Variants in BICC1 observed in about 807,000 individuals in gnomAD.
BICC1 encodes the protein protein bicaudal C homolog 1.
Under a neutral mutation model 111.0 loss-of-function variants are expected in BICC1, and 43 were observed. The observed-to-expected ratio is 0.39, with a 90% CI of 0.30 to 0.50. The LOEUF (loss-of-function observed/expected upper bound fraction) is 0.50. BICC1 is among the 20% of genes least tolerant of loss of function. BICC1 has a pLI of 0.88. For synonymous variants in BICC1, 467 were observed against 434.4 expected, an observed-to-expected ratio of 1.07 and a Z score of -0.93; for missense variants, 1,091 against 1,203.2, an observed-to-expected ratio of 0.91 and a Z score of 1.38.
intron 3 of BICC1, among the ~76,000 whole-genome samples, chr10:58,734,344 T>G (rs1841405574): frequency 6.6e-6 from 1 of 152,250 alleles, no homozygotes; most frequent in Non-Finnish European, 1.5e-5. Context: ...ATGAGATTTT[T>G]GGCATGTTTT....
intron 3 of BICC1, among the ~76,000 whole-genome samples, chr10:58,712,952 T>TA (rs1397258935): frequency 3.9e-5 from 6 of 152,052 alleles, no homozygotes; most frequent in African/African-American, 1.2e-4. Flanking sequence ...AGTCTATATT[T>TA]AAAAGAATAG....
At chr10:58,693,966 G>T (rs531670427) in intron 2 of BICC1, among the ~76,000 whole-genome samples, 1 of 152,134 alleles carries the variant, frequency 6.6e-6, no homozygotes, top group Non-Finnish European at 1.5e-5. Flanking sequence ...TACTGGCTAG[G>T]TTTTCTTCTA....
chr10:58,585,727 C>G (rs1297098212), intron 1 of BICC1, among the ~76,000 whole-genome samples: 1 of 152,076 alleles, frequency 6.6e-6, no homozygotes, highest in Non-Finnish European at 1.5e-5. Flanking sequence ...AATGGATTAT[C>G]TCAGATATGG....
chr10:58,696,287 T>G (rs971972984), intron 2 of BICC1, among the ~76,000 whole-genome samples: 5 of 152,132 alleles, frequency 3.3e-5, no homozygotes, highest in Non-Finnish European at 5.9e-5. Context: ...TATAGCATGC[T>G]ATCTTCATCA....
At chr10:58,660,677 AT>A (rs1275086583) in intron 2 of BICC1, among the ~76,000 whole-genome samples, 1 of 151,980 alleles carries the variant, frequency 6.6e-6, no homozygotes, top group Non-Finnish European at 1.5e-5. Context: ...TCCTTCTGAC[AT>A]CTTTGTACCC....
chr10:58,826,600 C>CA (rs1292091604), intron 20 of BICC1, among the ~76,000 whole-genome samples: 71 of 15,072 alleles, frequency 4.7e-3, no homozygotes, highest in African/African-American at 0.013. Context: ...AAATACAAAA[C>CA]AAAAAAAAAT....
chr10:58,789,986 T>G, intron 8 of BICC1, 53 bp downstream of exon 8: 1 of 1,584,330 alleles, frequency 6.3e-7, no homozygotes, highest in Non-Finnish European at 8.6e-7. Flanking sequence ...TTGGATTCAG[T>G]GCATGTTTTT....
At chr10:58,595,942 A>T (rs1395416995) in intron 1 of BICC1, among the ~76,000 whole-genome samples, 1 of 152,220 alleles carries the variant, frequency 6.6e-6, no homozygotes, top group Non-Finnish European at 1.5e-5. Flanking sequence ...TTTTGAAAAG[A>T]TCAACAAAAT....
intron 3 of BICC1, among the ~76,000 whole-genome samples, chr10:58,730,274 T>G (rs891988370): frequency 5.9e-5 from 9 of 152,142 alleles, no homozygotes; most frequent in African/African-American, 2.2e-4. Flanking sequence ...CCAAACAAAA[T>G]AATCTCCTTT....
intron 1 of BICC1, among the ~76,000 whole-genome samples, chr10:58,598,398 G>A (rs1199656296): frequency 6.6e-6 from 1 of 152,098 alleles, no homozygotes; most frequent in Non-Finnish European, 1.5e-5. Flanking sequence ...ACACAAACAA[G>A]CAATGGGGAA....
At chr10:58,584,554 TA>T in intron 1 of BICC1, among the ~76,000 whole-genome samples, 1 of 152,314 alleles carries the variant, frequency 6.6e-6, no homozygotes, top group African/African-American at 2.4e-5. Flanking sequence ...TGCTATTACA[TA>T]ATTTGTTTTT....
chr10:58,657,814 TTTTC>T, intron 2 of BICC1, among the ~76,000 whole-genome samples: 1 of 152,214 alleles, frequency 6.6e-6, no homozygotes, highest in East Asian at 1.9e-4. Flanking sequence ...TCATATTTTT[TTTTC>T]TTCTTGCTGC....
At chr10:58,608,207 C>G (rs1232216598) in intron 1 of BICC1, among the ~76,000 whole-genome samples, 1 of 152,034 alleles carries the variant, frequency 6.6e-6, no homozygotes, top group South Asian at 2.1e-4. Context: ...AAAACTACTC[C>G]CCACCTCTCC....
At chr10:58,603,287 A>G (rs1202352684) in intron 1 of BICC1, among the ~76,000 whole-genome samples, 1 of 152,194 alleles carries the variant, frequency 6.6e-6, no homozygotes, top group African/African-American at 2.4e-5. Flanking sequence ...AGTTAGGATT[A>G]TAGGAGGCCA....
chr10:58,576,346 C>T (rs1440635321), intron 1 of BICC1, among the ~76,000 whole-genome samples: 1 of 152,082 alleles, frequency 6.6e-6, no homozygotes, highest in African/African-American at 2.4e-5. Flanking sequence ...AAAATAAAAG[C>T]CTGGATTTTT....
At chr10:58,653,554 A>G (rs1490989516) in intron 2 of BICC1, among the ~76,000 whole-genome samples, 2 of 152,170 alleles carry the variant, frequency 1.3e-5, no homozygotes, top group African/African-American at 4.8e-5. Flanking sequence ...AAATATGTGA[A>G]GTTTGGACTC....
chr10:58,587,272 T>C (rs1844462054), intron 1 of BICC1, among the ~76,000 whole-genome samples: 1 of 152,172 alleles, frequency 6.6e-6, no homozygotes, highest in African/African-American at 2.4e-5. Context: ...ATCTATCCCA[T>C]GTATTTTCCT....
At chr10:58,768,844 C>T (rs191284731) in intron 3 of BICC1, among the ~76,000 whole-genome samples, 5 of 151,992 alleles carry the variant, frequency 3.3e-5, no homozygotes, top group Non-Finnish European at 5.9e-5. Flanking sequence ...TATTGAAAAT[C>T]ATGAAATTAC....
intron 1 of BICC1, among the ~76,000 whole-genome samples, chr10:58,590,278 G>T (rs557650063): frequency 3.3e-5 from 5 of 152,102 alleles, no homozygotes; most frequent in African/African-American, 9.7e-5. Flanking sequence ...CTAGCTATGC[G>T]CAGTCTGGCC....
Sources: gnomAD v4.1 joint callset for allele counts (sites outside exome capture counted in the v4.1 genomes callset) on GRCh38, gnomAD v4.1.1 for gene constraint, MANE v1.5 for transcripts, NCBI Gene and HGNC (gene_info 2026-07-23, HGNC 2026-07-21) for gene names.